Variants in ATP9A observed in about 807,000 individuals in gnomAD.
ATP9A encodes the protein probable phospholipid-transporting ATPase IIA.
A neutral mutation model predicts 144.1 loss-of-function variants in ATP9A; 52 were observed. The observed-to-expected ratio is 0.36, with a 90% CI of 0.29 to 0.45. The LOEUF is 0.45. Among genes scored for constraint, ATP9A ranks in the 20% least tolerant of loss-of-function variants. The probability of loss-of-function intolerance (pLI) is 1.00; values close to 1 mark genes in which losing one functional copy is unlikely to be tolerated. For missense variants in ATP9A, 947 were observed against 1,392.7 expected (o/e 0.68, Z 5.09); for synonymous variants, 582 against 557.4 (o/e 1.04, Z -0.62).
intron 2 of ATP9A, 109 bp from the exon 3 acceptor site, chr20:51,726,041 T>G: frequency 2.7e-6 from 2 of 732,242 alleles, no homozygotes; most frequent in South Asian, 3.4e-5. Flanking sequence ...CAGCCAGGCG[T>G]GGTGGTTCAC....
chr20:51,714,088 G>T (rs891820747), intron 3 of ATP9A, among the ~76,000 whole-genome samples: 1 of 151,648 alleles, frequency 6.6e-6, no homozygotes, highest in Non-Finnish European at 1.5e-5. Context: ...TGTCTTTTTA[G>T]TAGAGACGAG....
intron 2 of ATP9A, among the ~76,000 whole-genome samples, chr20:51,729,554 G>C (rs981669834): frequency 1.3e-5 from 2 of 152,054 alleles, no homozygotes; most frequent in African/African-American, 4.8e-5. Context: ...AGACCGGCCT[G>C]GCCAACATGG....
intron 27 of ATP9A, among the ~76,000 whole-genome samples, chr20:51,602,575 T>C (rs2077147392): frequency 6.6e-6 from 1 of 152,250 alleles, no homozygotes; most frequent in South Asian, 2.1e-4. Flanking sequence ...GGGATGCTCC[T>C]TTAGTTCCTG....
chr20:51,675,898 A>C (rs1331423279), intron 10 of ATP9A, among the ~76,000 whole-genome samples: 1 of 151,980 alleles, frequency 6.6e-6, no homozygotes, highest in Non-Finnish European at 1.5e-5. Context: ...AAAAAAAAAA[A>C]AAAGGCACAA....
In ATP9A at chr20:51,598,041, G is replaced by A. The variant is rs2077126654; in HGVS notation, c.*3170C>T. On this transcript the variant is annotated 3_prime_UTR_variant, in exon 28 of 28. Coordinates refer to ENST00000338821, the MANE Select transcript of ATP9A (RefSeq NM_006045.3). ...CCTTGGGATGCCTTCCAAGCAGCTG[G>A]AGTTAGTGCCACCTGTCTCACCTGG... 1 of 152,086 alleles carries A rather than the reference G, an allele frequency of 6.6e-6. No individual in the cohort carries two copies. The highest frequency in any genetic ancestry group is 1.5e-5 in the Non-Finnish European group (1 of 68,046). 9.4% of individuals were successfully genotyped at this position (152,086 alleles called of 1,614,324 possible). A position where few individuals can be genotyped will look rare whatever the true frequency, so the allele number is the denominator to read the frequency against.
chr20:51,671,420 C>T (rs1471345281), intron 11 of ATP9A, among the ~76,000 whole-genome samples, 163 bp from the exon 12 acceptor site: 1 of 151,802 alleles, frequency 6.6e-6, no homozygotes, highest in Non-Finnish European at 1.5e-5. Context: ...AGAGCCAGCA[C>T]CACCGTCAAG....
intron 16 of ATP9A, among the ~76,000 whole-genome samples, chr20:51,628,690 A>G (rs577369306): frequency 6.6e-6 from 1 of 152,326 alleles, no homozygotes; most frequent in South Asian, 2.1e-4. Flanking sequence ...CTTGCTCACA[A>G]ATGGATCCTG....
At chr20:51,720,820 C>T (rs1200477735) in intron 3 of ATP9A, among the ~76,000 whole-genome samples, 1 of 152,070 alleles carries the variant, frequency 6.6e-6, no homozygotes, top group Non-Finnish European at 1.5e-5. Context: ...GGCGACACAG[C>T]GAGACTCTGT....
chr20:51,654,696 G>A (rs554991600), intron 14 of ATP9A, among the ~76,000 whole-genome samples: 75 of 152,152 alleles, frequency 4.9e-4, no homozygotes, highest in Admixed American at 2.4e-3. Flanking sequence ...ATCAAGAGCC[G>A]CTGCACTACT....
chr20:51,628,364 C>A (rs993977421), intron 16 of ATP9A, among the ~76,000 whole-genome samples: 20 of 152,198 alleles, frequency 1.3e-4, no homozygotes, highest in African/African-American at 4.8e-4. Context: ...CTGGAACTCA[C>A]ATTCTGGTAT....
chr20:51,682,776 A>G (rs1367581499), intron 9 of ATP9A, among the ~76,000 whole-genome samples: 2 of 147,032 alleles, frequency 1.4e-5, no homozygotes, highest in East Asian at 2.1e-4. Context: ...TATTTTTAGT[A>G]GAGGCGGGGT....
chr20:51,619,742 C>T (rs2077218820), intron 19 of ATP9A, among the ~76,000 whole-genome samples: 1 of 150,874 alleles, frequency 6.6e-6, no homozygotes, highest in African/African-American at 2.4e-5. Context: ...GTGGCACATG[C>T]CTATAATCCC....
chr20:51,727,713 C>T (rs112070539), intron 2 of ATP9A, among the ~76,000 whole-genome samples: 37,402 of 152,012 alleles, frequency 0.25, 4,949 homozygotes, highest in Non-Finnish European at 0.28. Context: ...GGATGAATCA[C>T]GAGGTCAGGA....
chr20:51,687,775 A>AATGAATGAATG (rs1555836824), intron 9 of ATP9A, among the ~76,000 whole-genome samples: 5,430 of 147,316 alleles, frequency 0.037, 131 homozygotes, highest in Non-Finnish European at 0.041. Context: ...AAAAAAAAAA[A>AATGAATGAATG]AATGAATGAA....
intron 13 of ATP9A, among the ~76,000 whole-genome samples, chr20:51,658,145 C>T (rs2077394863): frequency 6.6e-6 from 1 of 152,162 alleles, no homozygotes. Flanking sequence ...TGGTGTCTGT[C>T]CTCTGAGGCT....
At chr20:51,694,135 C>T (rs1353634030) in intron 6 of ATP9A, 33 bp from the exon 7 acceptor site, 1 of 1,567,950 alleles carries the variant, frequency 6.4e-7, no homozygotes, top group Non-Finnish European at 8.8e-7. Flanking sequence ...GTCACCTGCA[C>T]CTCAAGCACC....
intron 26 of ATP9A, among the ~76,000 whole-genome samples, chr20:51,606,066 G>T (rs189202106): frequency 9.9e-5 from 15 of 151,994 alleles, no homozygotes; most frequent in African/African-American, 3.4e-4. Flanking sequence ...TCAGGAGTTC[G>T]AGACCAGCCT....
At chr20:51,761,274 G>A (rs916005022) in intron 1 of ATP9A, among the ~76,000 whole-genome samples, 4 of 152,188 alleles carry the variant, frequency 2.6e-5, no homozygotes, top group African/African-American at 4.8e-5. Flanking sequence ...ACATAAACAT[G>A]CTGACATAAG....
intron 4 of ATP9A, among the ~76,000 whole-genome samples, chr20:51,699,893 G>A (rs1473917248): frequency 1.3e-5 from 2 of 151,866 alleles, no homozygotes; most frequent in Admixed American, 6.6e-5. Context: ...CACCCGCCTC[G>A]GCCTCCCAAA....
Sources: allele counts gnomAD v4.1 joint callset (sites outside exome capture counted in the v4.1 genomes callset), GRCh38; gene constraint gnomAD v4.1.1; transcripts MANE v1.5; gene names NCBI Gene and HGNC (gene_info 2026-07-23, HGNC 2026-07-21).